Variants in NVL observed in about 807,000 individuals in gnomAD.
The protein encoded by NVL is nuclear valosin-containing protein-like.
NVL carries 84 observed loss-of-function variants against 110.2 expected under a neutral mutation model. That is an observed-to-expected ratio of 0.76 (90% CI 0.64 to 0.91). The LOEUF is 0.91. Among genes scored for constraint, NVL ranks in the 40% least tolerant of loss-of-function variants. The pLI, the probability that NVL is intolerant of heterozygous loss-of-function variation, is 0.00. For synonymous variants in NVL, 354 were observed against 361.1 expected (o/e 0.98, Z 0.22); for missense variants, 882 against 1,035.9 (o/e 0.85, Z 2.04).
chr1:224,240,932 A>G (rs560333028), intron 19 of NVL, among the ~76,000 whole-genome samples: 182 of 152,014 alleles, frequency 1.2e-3, no homozygotes, highest in African/African-American at 4.3e-3. Flanking sequence ...CTGGGATTAC[A>G]GATGTACACC....
chr1:224,270,967 C>T (rs964100397), intron 17 of NVL, among the ~76,000 whole-genome samples: 2 of 152,094 alleles, frequency 1.3e-5, no homozygotes, highest in African/African-American at 2.4e-5. Flanking sequence ...TAATATATAT[C>T]AATCTTCAAC....
intron 17 of NVL, among the ~76,000 whole-genome samples, chr1:224,274,034 C>CG (rs1665473657): frequency 3.0e-4 from 2 of 6,742 alleles, no homozygotes; most frequent in Non-Finnish European, 7.0e-4. Flanking sequence ...TATGACCTAA[C>CG]AACACACACA....
chr1:224,261,826 T>C (rs896652637), intron 18 of NVL, among the ~76,000 whole-genome samples: 3 of 151,378 alleles, frequency 2.0e-5, no homozygotes, highest in Non-Finnish European at 4.4e-5. Flanking sequence ...CTGGGTGTAG[T>C]GGTGCGTGCC....
At chr1:224,295,104 T>A (rs371264039) in intron 11 of NVL, among the ~76,000 whole-genome samples, 41 of 152,360 alleles carry the variant, frequency 2.7e-4, no homozygotes, top group African/African-American at 9.4e-4. Flanking sequence ...GAACCAGGAT[T>A]GAACAGCAGG....
chr1:224,274,035 A>AACACACACACACAAAC (rs1665477663), intron 17 of NVL, among the ~76,000 whole-genome samples: 1 of 145,540 alleles, frequency 6.9e-6, no homozygotes, highest in Admixed American at 7.0e-5. Flanking sequence ...ATGACCTAAC[A>AACACACACACACAAAC]ACACACACAC....
chr1:224,280,829 T>A (rs1666241194), intron 16 of NVL, among the ~76,000 whole-genome samples: 1 of 152,214 alleles, frequency 6.6e-6, no homozygotes, highest in South Asian at 2.1e-4. Flanking sequence ...CTGAGCCACA[T>A]GACAACTGGA....
intron 18 of NVL, among the ~76,000 whole-genome samples, chr1:224,258,979 T>TAAAAA (rs34767555): frequency 3.3e-5 from 2 of 60,204 alleles, no homozygotes; most frequent in Admixed American, 2.5e-4. Context: ...GTCTCTACAT[T>TAAAAA]AAAAAAAAAA....
At chr1:224,318,006 C>T in intron 2 of NVL, 76 bp from the exon 3 acceptor site, 1 of 1,006,584 alleles carries the variant, frequency 9.9e-7, no homozygotes, top group South Asian at 1.5e-5. Flanking sequence ...CTAAATGGAT[C>T]AAATAAATTT....
chr1:224,311,437 C>A (rs1669514033), intron 5 of NVL, among the ~76,000 whole-genome samples: 3 of 151,964 alleles, frequency 2.0e-5, no homozygotes, highest in Non-Finnish European at 4.4e-5. Context: ...CGGCTCACTG[C>A]AGCTCACTAC....
intron 22 of NVL, among the ~76,000 whole-genome samples, chr1:224,229,584 A>G (rs1376380022): frequency 6.6e-6 from 1 of 151,054 alleles, no homozygotes; most frequent in Non-Finnish European, 1.5e-5. Context: ...ACAGGTGCGC[A>G]GTAGCTGGGA....
intron 11 of NVL, among the ~76,000 whole-genome samples, chr1:224,295,936 G>A (rs1386124398): frequency 1.5e-5 from 2 of 131,394 alleles, no homozygotes; most frequent in Non-Finnish European, 3.1e-5. Flanking sequence ...GTGCACTCAA[G>A]CCTAGGCAAC....
chr1:224,279,358 A>G (rs1666089080), intron 16 of NVL, among the ~76,000 whole-genome samples: 1 of 152,200 alleles, frequency 6.6e-6, no homozygotes, highest in African/African-American at 2.4e-5. Flanking sequence ...GGATCACCTG[A>G]GGCCAGGAGT....
chr1:224,237,034 A>C (rs1488241853), intron 19 of NVL, among the ~76,000 whole-genome samples: 1 of 152,256 alleles, frequency 6.6e-6, no homozygotes, highest in Non-Finnish European at 1.5e-5. Flanking sequence ...TTGAGAAATG[A>C]GGCTAAGAAG....
chr1:224,297,008 A>G (rs1667945131), intron 10 of NVL, among the ~76,000 whole-genome samples: 2 of 152,150 alleles, frequency 1.3e-5, no homozygotes. Flanking sequence ...AAATTAGCAA[A>G]CCCAAGCTCA....
At chr1:224,270,153 T>C (rs1043872085) in intron 17 of NVL, among the ~76,000 whole-genome samples, 1 of 151,906 alleles carries the variant, frequency 6.6e-6, no homozygotes, top group African/African-American at 2.4e-5. Flanking sequence ...AGAATCATAA[T>C]CCATACTCAA....
At chr1:224,234,497 G>C (rs1660252290) in intron 20 of NVL, among the ~76,000 whole-genome samples, 2 of 151,262 alleles carry the variant, frequency 1.3e-5, no homozygotes, top group African/African-American at 4.9e-5. Context: ...CTGTCACCGA[G>C]GCTGGAGTGC....
At chr1:224,263,524 T>G (rs1664184572) in intron 18 of NVL, among the ~76,000 whole-genome samples, 1 of 152,208 alleles carries the variant, frequency 6.6e-6, no homozygotes, top group South Asian at 2.1e-4. Context: ...GTCCCCTATC[T>G]CAGAAGTGGC....
chr1:224,256,316 T>C (rs952690382), intron 18 of NVL, among the ~76,000 whole-genome samples: 1 of 150,882 alleles, frequency 6.6e-6, no homozygotes, highest in Admixed American at 6.7e-5. Flanking sequence ...TCCCAGCTAC[T>C]CGGGAGGCTA....
At chr1:224,307,158 T>C (rs1172701218) in intron 6 of NVL, among the ~76,000 whole-genome samples, 1 of 152,222 alleles carries the variant, frequency 6.6e-6, no homozygotes, top group Non-Finnish European at 1.5e-5. Context: ...ATTTTTTTAG[T>C]GAGTCTTCAA....
Sources: allele counts gnomAD v4.1 joint callset (sites outside exome capture counted in the v4.1 genomes callset), GRCh38; gene constraint gnomAD v4.1.1; transcripts MANE v1.5; gene names NCBI Gene and HGNC (gene_info 2026-07-23, HGNC 2026-07-21).